The following ZNF622 variants were observed in gnomAD, a reference collection of about 807,000 sequenced individuals.
ZNF622 encodes cytoplasmic 60S subunit biogenesis factor ZNF622.
ZNF622 carries 34 observed loss-of-function variants against 49.7 expected under a neutral mutation model. The ratio of observed to expected loss-of-function variants is 0.68; its 90% CI spans 0.52 to 0.91. The LOEUF (loss-of-function observed/expected upper bound fraction) is 0.91, where lower values mean the gene tolerates loss of function less well. Ranked by LOEUF, ZNF622 falls within the 40% of genes least tolerant of loss-of-function variation. The pLI, the probability that ZNF622 is intolerant of heterozygous loss-of-function variation, is 0.00. For synonymous variants in ZNF622, 209 were observed against 228.7 expected (o/e 0.91, Z 0.78); for missense variants, 569 against 616.4 (o/e 0.92, Z 0.81).
chr5:16,464,306 T>C (rs1475907378), intron 1 of ZNF622, among the ~76,000 whole-genome samples: 1 of 152,192 alleles, frequency 6.6e-6, no homozygotes, highest in Non-Finnish European at 1.5e-5. Flanking sequence ...GCCCCTTTTT[T>C]GCCTTCTGCT....
chr5:16,454,690 C>A (rs936042082), intron 4 of ZNF622, among the ~76,000 whole-genome samples: 1 of 152,038 alleles, frequency 6.6e-6, no homozygotes, highest in Non-Finnish European at 1.5e-5. Context: ...TCTGGCCAAC[C>A]GCCTGTTTTG....
chr5:16,459,294 AG>A (rs2126492855), intron 3 of ZNF622, among the ~76,000 whole-genome samples: 1 of 152,338 alleles, frequency 6.6e-6, no homozygotes, highest in South Asian at 2.1e-4. Flanking sequence ...ATAAGAAAAT[AG>A]ACAAAATGCT....
intron 4 of ZNF622, among the ~76,000 whole-genome samples, chr5:16,453,559 T>TTTTA (rs71605534): frequency 4.3e-4 from 29 of 67,176 alleles, no homozygotes; most frequent in Admixed American, 7.1e-4. Flanking sequence ...TAAATAAAAA[T>TTTTA]TATATATATA....
rs190331958 is a variant in ZNF622 at position 16,463,724 on chromosome 5, G to A, written c.644C>T (p.Ser215Phe). The change falls in exon 2 of 6, where the codon TCT becomes TTT. Residue 215 changes from serine (S) to phenylalanine (F), a missense_variant. Physicochemically the swap from Ser to Phe is radical, Grantham distance 155. Coordinates refer to ENST00000308683, the MANE Select transcript of ZNF622 (RefSeq NM_033414.3). The surrounding 1 kb of genome is among the most constrained non-coding windows in gnomAD (Gnocchi z 4.2). Reference sequence around the variant, plus strand: ...ATCCTCACATTCCAATTCTTCATCAGAATCAATATCTTCCCAATCTGCAAG... The same window carrying A: ...ATCCTCACATTCCAATTCTTCATCAAAATCAATATCTTCCCAATCTGCAAG... ...LDGDDWEDIDSDEELECEDTE... is the reference protein window; with the variant it reads ...LDGDDWEDIDFDEELECEDTE... The A allele has an allele frequency of 3.7e-6, 6 of 1,612,760 alleles. No individual in the cohort carries two copies. Among genetic ancestry groups the A allele is most frequent in the Non-Finnish European group, 5.1e-6 (6 of 1,179,250 alleles).
In ZNF622 at chr5:16,463,828, C is replaced by T; in HGVS notation, c.626-86G>A. The T allele has an allele frequency of 7.0e-7, 1 of 1,438,460 alleles. No homozygotes were observed. Among genetic ancestry groups the T allele is most frequent in the South Asian group, 1.3e-5 (1 of 74,906 alleles). The allele number at this position is 1,438,460 out of a possible 1,614,324, so 89.1% of individuals were successfully genotyped here. ...CAAAAATTCACGAGGTGATACAGTC[C>T]TATATTTGGAGAAACAGCCACACCC... On this transcript the variant is annotated intron_variant, in intron 1 of 5. Transcript: ENST00000308683. The surrounding 1 kb of genome is among the most constrained non-coding windows in gnomAD (Gnocchi z 4.2).
chr5:16,465,213 A>C lies in ZNF622; in HGVS notation c.453T>G (p.Pro151=). The C allele has an allele frequency of 6.2e-7, 1 of 1,614,146 alleles. No individual in the cohort carries two copies. Among genetic ancestry groups the C allele is most frequent in the Non-Finnish European group, 8.5e-7 (1 of 1,180,024 alleles). ...CCACGACATTCCTGGCCTCCTTTGC[A>C]GGCGCTGGGGGCGCCTTCTTGGGAG... ...SMSPKKAPPA[P]AKEARNVVAV... The change falls in exon 1 of 6, where the codon CCT becomes CCG. Residue 151 remains proline (P), a synonymous_variant. Coordinates refer to ENST00000308683, the MANE Select transcript of ZNF622 (RefSeq NM_033414.3). This position sits in a 1 kb window ranked among gnomAD's most constrained non-coding sequence, Gnocchi z 6.2.
At position 16,465,365 on chromosome 5, in the gene ZNF622, C is replaced by A. The variant is rs759973979; in HGVS notation, c.301G>T (p.Ala101Ser). 1 of 1,614,268 alleles carries A rather than the reference C, an allele frequency of 6.2e-7. No homozygotes were observed. The highest frequency in any genetic ancestry group is 1.1e-5 in the South Asian group (1 of 91,088). ...ATCATCTCCACTTTCCGATTCACTG[C>A]CTGCACGGCCTTCTTCTCCAGCTCA... ...HVELEKKAVQ[A>S]VNRKVEMMNE... The change falls in exon 1 of 6, where the codon GCA becomes TCA. Residue 101 changes from alanine to serine, a missense_variant. By Grantham distance (99) the Ala-to-Ser change is moderately conservative (BLOSUM62 1). Transcript: ENST00000308683. This position sits in a 1 kb window ranked among gnomAD's most constrained non-coding sequence, Gnocchi z 6.2.
intron 3 of ZNF622, among the ~76,000 whole-genome samples, chr5:16,462,463 A>G (rs141790039): frequency 2.5e-3 from 380 of 152,246 alleles, no homozygotes; most frequent in Middle Eastern, 0.014. Flanking sequence ...GGAGTTCAAG[A>G]CCAGCCTGGG....
chr5:16,455,187 C>T (rs1223812367), intron 4 of ZNF622, among the ~76,000 whole-genome samples: 2 of 152,054 alleles, frequency 1.3e-5, no homozygotes. Context: ...GTACGGTTTC[C>T]AGGAAAGATT....
chr5:16,461,963 T>C (rs1332400105), intron 3 of ZNF622, among the ~76,000 whole-genome samples: 2 of 152,200 alleles, frequency 1.3e-5, no homozygotes, highest in African/African-American at 4.8e-5. Flanking sequence ...CCATGGTATT[T>C]GCTTTGACCA....
rs1044212904 is a variant in ZNF622, at chr5:16,451,693, G to A, written c.1398C>T (p.Thr466=). 33 of 1,613,980 alleles carry A rather than the reference G, an allele frequency of 2.0e-5. No individual in the cohort carries two copies. The highest frequency in any genetic ancestry group is 2.6e-5 in the Non-Finnish European group (31 of 1,180,032). The change falls in exon 6 of 6, where the codon ACC becomes ACT. Residue 466 remains threonine (T), a synonymous_variant. Coordinates refer to ENST00000308683, the MANE Select transcript of ZNF622 (RefSeq NM_033414.3). ...MLKTGMKNNA[T]KQMHFRVQVR... is the part of the protein sequence containing the mutation. ...CTTGGACCCGAAAGTGCATCTGCTT[G>A]GTGGCATTGTTCTTCATTCCTGTCT...
Position 16,465,405 on chromosome 5 carries a change from C to G in ZNF622, c.261G>C (p.Lys87Asn). ...ASFNAYENHL[K>N]SRRHVELEKK... is the part of the protein sequence containing the mutation. ...TCTCCAGCTCAACGTGACGCCGGGA[C>G]TTGAGGTGGTTCTCGTAGGCGTTGA... is the stretch of plus-strand genomic sequence containing the variant. Residue 87 changes from lysine to asparagine, a missense_variant, in exon 1 of 6, where the codon AAG becomes AAC. Coordinates refer to ENST00000308683, the MANE Select transcript of ZNF622 (RefSeq NM_033414.3). The surrounding 1 kb of genome is among the most constrained non-coding windows in gnomAD (Gnocchi z 6.2). 6.2e-7 allele frequency: 1 copy of G among 1,614,268 alleles called. No individual in the cohort carries two copies. The highest frequency in any genetic ancestry group is 8.5e-7 in the Non-Finnish European group (1 of 1,180,050).
chr5:16,456,243 C>T (rs1321355665), intron 4 of ZNF622, among the ~76,000 whole-genome samples: 1 of 152,180 alleles, frequency 6.6e-6, no homozygotes, highest in Non-Finnish European at 1.5e-5. Context: ...TATAGGCACA[C>T]ACCATCACAC....
In ZNF622 at chr5:16,453,178, C is replaced by G. The variant is rs761174376; in HGVS notation, c.1163-22G>C. 4.1e-6 allele frequency: 6 copies of G among 1,461,226 alleles called. No individual in the cohort carries two copies. The South Asian group carries it at 8.9e-5, about 22-fold the overall frequency. 90.5% of individuals were successfully genotyped at this position (1,461,226 alleles called of 1,614,324 possible). On this transcript the variant is annotated intron_variant, in intron 4 of 5. Transcript: ENST00000308683. ...GCACCTGTTTTTCAAAAGAGCAATA[C>G]TGAAACACTGAGTTGGATAGTTTTT...
At position 16,458,530 on chromosome 5, in the gene ZNF622, C is replaced by T. The variant is rs1475291385; in HGVS notation, c.1149G>A (p.Leu383=). The change falls in exon 4 of 6, where the codon TTG becomes TTA. Residue 383 remains leucine (L), a synonymous_variant. Coordinates refer to ENST00000308683, the MANE Select transcript of ZNF622 (RefSeq NM_033414.3). The part of the protein sequence containing the change: ...NLEYDDETME[L]ILPSGARVGH... ...AAATGCACTTACCAGAAGGCAGAATCAATTCCATGGTTTCATCATCATATT... is the reference window on the plus strand; with the variant it reads ...AAATGCACTTACCAGAAGGCAGAATTAATTCCATGGTTTCATCATCATATT... The T allele has an allele frequency of 6.2e-7, 1 of 1,613,064 alleles. No homozygotes were observed. The highest frequency in any genetic ancestry group is 2.2e-5 in the East Asian group (1 of 44,852).
At chr5:16,460,172 T>TA (rs1738100934) in intron 3 of ZNF622, among the ~76,000 whole-genome samples, 1 of 152,234 alleles carries the variant, frequency 6.6e-6, no homozygotes, top group African/African-American at 2.4e-5. Context: ...TTGTAAATGC[T>TA]ATGTAAATAG....
chr5:16,451,876 T>C, intron 5 of ZNF622, 92 bp from the exon 6 acceptor site: 1 of 1,490,312 alleles, frequency 6.7e-7, no homozygotes, highest in Non-Finnish European at 9.0e-7. Flanking sequence ...AAAAGGTTAG[T>C]TTGGGGTAAC....
chr5:16,454,736 G>A (rs1159215642), intron 4 of ZNF622, among the ~76,000 whole-genome samples: 2 of 152,182 alleles, frequency 1.3e-5, no homozygotes, highest in African/African-American at 4.8e-5. Context: ...GCTCAACTGT[G>A]TAGGTATTAT....
intron 4 of ZNF622, among the ~76,000 whole-genome samples, chr5:16,457,296 T>C (rs1422790266): frequency 6.6e-6 from 1 of 152,220 alleles, no homozygotes. Context: ...TATCTGATTC[T>C]ACCGTTTAAG....
Sources: allele counts gnomAD v4.1 joint callset (sites outside exome capture counted in the v4.1 genomes callset), GRCh38; gene constraint gnomAD v4.1.1; non-coding constraint Gnocchi (gnomAD v3.1); transcripts MANE v1.5; gene names NCBI Gene and HGNC (gene_info 2026-07-23, HGNC 2026-07-21).